Variants in LRRC4C observed in about 807,000 individuals in gnomAD.
LRRC4C encodes leucine rich repeat containing 4C, also known as leucine-rich repeat-containing protein 4C.
LRRC4C carries 5 observed loss-of-function variants against 33.6 expected under a neutral mutation model. That is an observed-to-expected ratio of 0.15 (90% CI 0.08 to 0.31). LRRC4C has a LOEUF of 0.31. Among genes scored for constraint, LRRC4C ranks in the 10% least tolerant of loss-of-function variants. The pLI, the probability that LRRC4C is intolerant of heterozygous loss-of-function variation, is 1.00. For synonymous variants in LRRC4C, 329 were observed against 302.0 expected (o/e 1.09, Z -0.93); for missense variants, 560 against 796.7 (o/e 0.70, Z 3.58).
At chr11:41,294,411 G>T (rs1014455823) in intron 1 of LRRC4C, among the ~76,000 whole-genome samples, 1 of 152,166 alleles carries the variant, frequency 6.6e-6, no homozygotes, top group Non-Finnish European at 1.5e-5. Context: ...CCTCAGTTTT[G>T]TTCACCTCTG....
chr11:40,546,072 T>TCCTA lies in LRRC4C; in HGVS notation c.-270+102069_-270+102070insTAGG, dbSNP rs1415255153. 2.1e-3 allele frequency among the ~76,000 whole-genome samples: 244 copies of TCCTA among 116,014 alleles called. 1 individual carries two copies. The highest frequency in any genetic ancestry group is 9.2e-3 in the African/African-American group (226 of 24,658). 76.1% of individuals were successfully genotyped at this position (116,014 alleles called of 152,430 possible). A position where few individuals can be genotyped will look rare whatever the true frequency, so the allele number is the denominator to read the frequency against. ...TTTCTCCAAGTCTTCCTTCCTTCCT[T>TCCTA]CCTTCCTTCCTACCTTCCTTCCTTC... On this transcript the variant is annotated intron_variant, in intron 3 of 6. Coordinates refer to ENST00000528697, the MANE Select transcript of LRRC4C (RefSeq NM_001258419.2).
chr11:40,124,220 A>G (rs1856039815), intron 6 of LRRC4C, among the ~76,000 whole-genome samples: 2 of 152,190 alleles, frequency 1.3e-5, no homozygotes, highest in Non-Finnish European at 2.9e-5. Context: ...GTAAATTAGT[A>G]TAACCACTAT....
At chr11:40,777,622 T>G (rs867574956) in intron 2 of LRRC4C, among the ~76,000 whole-genome samples, 2 of 151,970 alleles carry the variant, frequency 1.3e-5, no homozygotes, top group Admixed American at 6.6e-5. Flanking sequence ...CTCTGAGTCT[T>G]GGGTTGTCAC....
intron 3 of LRRC4C, among the ~76,000 whole-genome samples, chr11:40,614,568 T>A (rs941208392): frequency 4.3e-5 from 2 of 46,002 alleles, no homozygotes; most frequent in Non-Finnish European, 6.7e-5. Context: ...CTTCAACGAC[T>A]TTTTTTTTTC....
intron 3 of LRRC4C, among the ~76,000 whole-genome samples, chr11:40,482,072 C>G (rs796838992): frequency 2.0e-5 from 3 of 152,174 alleles, no homozygotes; most frequent in African/African-American, 7.2e-5. Flanking sequence ...TAGCATCTAC[C>G]ACTTGGTTCA....
chr11:40,227,733 TAC>T (rs776953642), intron 5 of LRRC4C, among the ~76,000 whole-genome samples: 2 of 151,706 alleles, frequency 1.3e-5, no homozygotes, highest in Non-Finnish European at 2.9e-5. Flanking sequence ...ATAACAAAAG[TAC>T]AAGGAAAAAA....
chr11:40,653,955 C>T (rs149723663), intron 2 of LRRC4C, among the ~76,000 whole-genome samples: 1 of 152,298 alleles, frequency 6.6e-6, no homozygotes, highest in African/African-American at 2.4e-5. Context: ...CAAGGTACAG[C>T]TCAGGCCATT....
chr11:41,187,616 C>T (rs1945754597), intron 1 of LRRC4C, among the ~76,000 whole-genome samples: 1 of 152,180 alleles, frequency 6.6e-6, no homozygotes, highest in African/African-American at 2.4e-5. Context: ...TTCCAGTACA[C>T]CAAGGTAAGA....
At chr11:41,190,879 T>C (rs1054301079) in intron 1 of LRRC4C, among the ~76,000 whole-genome samples, 3 of 152,198 alleles carry the variant, frequency 2.0e-5, no homozygotes, top group African/African-American at 7.2e-5. Flanking sequence ...GTTCGGCTCC[T>C]TAGAAATTAA....
chr11:40,186,007 C>T (rs1261323306), intron 5 of LRRC4C, among the ~76,000 whole-genome samples: 3 of 152,126 alleles, frequency 2.0e-5, no homozygotes, highest in Non-Finnish European at 2.9e-5. Context: ...CCATAGAATC[C>T]AATTTACCTC....
chr11:40,825,371 G>A (rs1041341213), intron 2 of LRRC4C, among the ~76,000 whole-genome samples: 1 of 151,846 alleles, frequency 6.6e-6, no homozygotes, highest in African/African-American at 2.4e-5. Context: ...CTCGGTTTCT[G>A]CAGAATTACC....
intron 5 of LRRC4C, among the ~76,000 whole-genome samples, chr11:40,241,098 C>T (rs564304757): frequency 5.3e-5 from 8 of 152,242 alleles, no homozygotes; most frequent in East Asian, 1.9e-4. Flanking sequence ...ATTTAAAAAT[C>T]GTCTGGGTAA....
chr11:40,669,256 A>G (rs1168620766), intron 2 of LRRC4C, among the ~76,000 whole-genome samples: 1 of 152,338 alleles, frequency 6.6e-6, no homozygotes, highest in Non-Finnish European at 1.5e-5. Flanking sequence ...GGAGTTCATA[A>G]GGCAGCCTGT....
rs564330259 is a variant in LRRC4C, at chr11:40,201,628, G to A, written c.-96+39891C>T. On this transcript the variant is annotated intron_variant, in intron 5 of 6. Transcript: ENST00000528697. ...TAAAGTCTGCAGACCCCATGGAAGCGCAGATGTAAGAATGACCCATAGAAC... is the reference window on the plus strand; with the variant it reads ...TAAAGTCTGCAGACCCCATGGAAGCACAGATGTAAGAATGACCCATAGAAC... Among the ~76,000 whole-genome samples, 50 of 152,234 alleles carry A rather than the reference G, an allele frequency of 3.3e-4. 1 individual carries two copies. Among genetic ancestry groups the A allele is most frequent in the Admixed American group, 3.1e-3 (48 of 15,298 alleles).
intron 1 of LRRC4C, among the ~76,000 whole-genome samples, chr11:40,988,919 A>C (rs576878472): frequency 6.6e-6 from 1 of 151,324 alleles, no homozygotes; most frequent in African/African-American, 2.4e-5. Flanking sequence ...ACGGGGTTTC[A>C]CCGTGTTAGC....
intron 1 of LRRC4C, among the ~76,000 whole-genome samples, chr11:41,459,204 C>CA (rs766823106): frequency 1.5e-4 from 23 of 151,998 alleles, no homozygotes; most frequent in Admixed American, 6.6e-5. Context: ...GTTAGATAAA[C>CA]AAGAGAGGTA....
intron 3 of LRRC4C, among the ~76,000 whole-genome samples, chr11:40,325,366 C>T (rs2136891986): frequency 6.6e-6 from 1 of 152,270 alleles, no homozygotes; most frequent in South Asian, 2.1e-4. Flanking sequence ...GTCATGATAG[C>T]TCATGCTTGT....
intron 2 of LRRC4C, among the ~76,000 whole-genome samples, chr11:40,728,360 A>G (rs1358268330): frequency 6.6e-6 from 1 of 151,836 alleles, no homozygotes; most frequent in Non-Finnish European, 1.5e-5. Context: ...AATCCCAGCA[A>G]TTTGGGAGGC....
At chr11:40,348,242 A>G (rs1380573838) in intron 3 of LRRC4C, among the ~76,000 whole-genome samples, 1 of 151,698 alleles carries the variant, frequency 6.6e-6, no homozygotes, top group African/African-American at 2.4e-5. Flanking sequence ...GACTTGCTCA[A>G]TGCAGAGTTG....
Sources: gnomAD v4.1 joint callset for allele counts (sites outside exome capture counted in the v4.1 genomes callset) on GRCh38, gnomAD v4.1.1 for gene constraint, MANE v1.5 for transcripts, NCBI Gene and HGNC (gene_info 2026-07-23, HGNC 2026-07-21) for gene names.